The following SEMA5A variants were observed in gnomAD, a reference collection of about 807,000 sequenced individuals.
SEMA5A encodes semaphorin 5A, also known as semaphorin-5A.
SEMA5A carries 55 observed loss-of-function variants against 135.5 expected under a neutral mutation model. The ratio of observed to expected loss-of-function variants is 0.41; its 90% CI spans 0.33 to 0.51. SEMA5A has a LOEUF of 0.51. Ranked by LOEUF, SEMA5A falls within the 20% of genes least tolerant of loss-of-function variation. The pLI is 0.37. For missense variants in SEMA5A, 1,290 were observed against 1,419.9 expected (o/e 0.91, Z 1.47); for synonymous variants, 580 against 546.5 (o/e 1.06, Z -0.85).
At chr5:9,165,684 T>C (rs369769457) in intron 11 of SEMA5A, among the ~76,000 whole-genome samples, 18 of 152,220 alleles carry the variant, frequency 1.2e-4, no homozygotes, top group Non-Finnish European at 1.9e-4. Context: ...CCAGAGTCAC[T>C]GCAGAGTAAA....
At chr5:9,277,420 A>C (rs554772050) in intron 5 of SEMA5A, among the ~76,000 whole-genome samples, 1 of 152,312 alleles carries the variant, frequency 6.6e-6, no homozygotes, top group South Asian at 2.1e-4. Flanking sequence ...TTCCTGAAGG[A>C]TCTAGAACTA....
intron 5 of SEMA5A, chr5:9,280,822 T>C: frequency 2.3e-6 from 1 of 428,960 alleles, no homozygotes; most frequent in Non-Finnish European, 4.7e-6. Flanking sequence ...AAGGAAATTG[T>C]TCCAATTATG....
chr5:9,531,238 G>GC (rs1309406985), intron 1 of SEMA5A, among the ~76,000 whole-genome samples: 3 of 152,310 alleles, frequency 2.0e-5, no homozygotes, highest in African/African-American at 7.2e-5. Flanking sequence ...ACTTCTCTAT[G>GC]ATCCTGAAAA....
intron 1 of SEMA5A, among the ~76,000 whole-genome samples, chr5:9,463,511 T>C (rs774625403): frequency 3.9e-5 from 6 of 152,142 alleles, no homozygotes; most frequent in Non-Finnish European, 7.4e-5. Flanking sequence ...GCCTTTATTC[T>C]GAGCCTGAGT....
At chr5:9,208,921 G>T (rs1324691531) in intron 8 of SEMA5A, among the ~76,000 whole-genome samples, 1 of 152,136 alleles carries the variant, frequency 6.6e-6, no homozygotes, top group East Asian at 1.9e-4. Flanking sequence ...GTCACTCATT[G>T]AGCCCCTTGA....
chr5:9,460,635 G>C (rs1759021261), intron 1 of SEMA5A, among the ~76,000 whole-genome samples: 3 of 152,090 alleles, frequency 2.0e-5, no homozygotes, highest in African/African-American at 7.2e-5. Context: ...TGGGAAAACA[G>C]AGAAAAATGA....
At chr5:9,319,340 C>A (rs1752525666) in intron 4 of SEMA5A, among the ~76,000 whole-genome samples, 1 of 152,098 alleles carries the variant, frequency 6.6e-6, no homozygotes, top group Admixed American at 6.6e-5. Context: ...TTCAAAGAGT[C>A]AAGTTTCACT....
At chr5:9,162,569 T>TACATATATAC (rs1211538648) in intron 11 of SEMA5A, among the ~76,000 whole-genome samples, 7 of 49,452 alleles carry the variant, frequency 1.4e-4, no homozygotes, top group East Asian at 5.1e-4. Flanking sequence ...TGTGTGTATA[T>TACATATATAC]ATATATATAT....
chr5:9,212,461 A>G (rs921552046), intron 8 of SEMA5A, among the ~76,000 whole-genome samples: 3 of 152,238 alleles, frequency 2.0e-5, no homozygotes, highest in Non-Finnish European at 4.4e-5. Context: ...TACCAAACAC[A>G]TAACTTAATG....
intron 2 of SEMA5A, among the ~76,000 whole-genome samples, chr5:9,387,862 G>C (rs551213249): frequency 6.6e-6 from 1 of 152,292 alleles, no homozygotes; most frequent in African/African-American, 2.4e-5. Context: ...AGGGGAATCA[G>C]GATGTTCCAC....
At chr5:9,215,561 G>C (rs116643063) in intron 8 of SEMA5A, among the ~76,000 whole-genome samples, 4,470 of 152,262 alleles carry the variant, frequency 0.029, 235 homozygotes, top group African/African-American at 0.1. Flanking sequence ...CATAAGCCAA[G>C]GAGTGCCTGG....
At chr5:9,271,057 T>C (rs918993995) in intron 5 of SEMA5A, among the ~76,000 whole-genome samples, 8 of 152,104 alleles carry the variant, frequency 5.3e-5, no homozygotes. Context: ...CCTCCACATA[T>C]CGGGGAGGGG....
At chr5:9,071,336 T>C (rs887830412) in intron 16 of SEMA5A, among the ~76,000 whole-genome samples, 1 of 152,154 alleles carries the variant, frequency 6.6e-6, no homozygotes, top group African/African-American at 2.4e-5. Context: ...CAGGCCCCCA[T>C]CACCATAGGC....
At chr5:9,236,103 A>T in intron 6 of SEMA5A, among the ~76,000 whole-genome samples, 1 of 152,224 alleles carries the variant, frequency 6.6e-6, no homozygotes, top group South Asian at 2.1e-4. Flanking sequence ...CCACAATTCA[A>T]TTACCTTCCC....
intron 11 of SEMA5A, among the ~76,000 whole-genome samples, chr5:9,163,836 G>A (rs79208420): frequency 0.02 from 2,978 of 151,904 alleles, 44 homozygotes; most frequent in Non-Finnish European, 0.031. Context: ...TAAGCCAGGA[G>A]GAGAGGCCTC....
intron 1 of SEMA5A, among the ~76,000 whole-genome samples, chr5:9,485,675 C>G (rs1166517376): frequency 6.6e-6 from 1 of 151,962 alleles, no homozygotes; most frequent in African/African-American, 2.4e-5. Context: ...ATTGGGTGCA[C>G]CAGAAAATGA....
chr5:9,115,355 T>G (rs978659067), intron 15 of SEMA5A, among the ~76,000 whole-genome samples: 2 of 152,320 alleles, frequency 1.3e-5, no homozygotes, highest in South Asian at 2.1e-4. Flanking sequence ...TAAAACATTA[T>G]GCCCACTCCC....
At chr5:9,074,187 A>T (rs1254706128) in intron 16 of SEMA5A, among the ~76,000 whole-genome samples, 1 of 152,166 alleles carries the variant, frequency 6.6e-6, no homozygotes, top group Non-Finnish European at 1.5e-5. Context: ...CTAGGAATTG[A>T]CCCACCTGTT....
At chr5:9,300,444 A>G (rs1047518404) in intron 5 of SEMA5A, among the ~76,000 whole-genome samples, 1 of 152,194 alleles carries the variant, frequency 6.6e-6, no homozygotes, top group African/African-American at 2.4e-5. Flanking sequence ...TGAGAAGGAG[A>G]AAAAGAGGAT....
Sources: gnomAD v4.1 joint callset for allele counts (sites outside exome capture counted in the v4.1 genomes callset) on GRCh38, gnomAD v4.1.1 for gene constraint, MANE v1.5 for transcripts, NCBI Gene and HGNC (gene_info 2026-07-23, HGNC 2026-07-21) for gene names.